FAM153A: variants seen among roughly 807,000 people sequenced by gnomAD.
FAM153A encodes protein FAM153A.
In FAM153A, 12 loss-of-function variants were observed where a neutral mutation model predicts 48.1. The ratio of observed to expected loss-of-function variants is 0.25; its 90% CI spans 0.16 to 0.40. The LOEUF is 0.40. Ranked by LOEUF, FAM153A falls within the 10% of genes least tolerant of loss-of-function variation. FAM153A has a pLI of 1.00. For missense variants in FAM153A, 111 were observed against 345.8 expected (o/e 0.32, Z 5.38); for synonymous variants, 36 against 118.2 (o/e 0.30, Z 4.51).
In FAM153A at chr5:177,728,559, T is replaced by G. The variant is rs1281503683; in HGVS notation, c.964+464A>C. On this transcript the variant is annotated intron_variant, in intron 18 of 20. Coordinates refer to ENST00000614127, the Ensembl canonical transcript of FAM153A. ...ACTCTTAGTTTGTTGGGGTGTTTTT[T>G]TTTTTGTTTGTTTTTGTTTTTTTTT... 1.6e-4 allele frequency among the ~76,000 whole-genome samples: 24 copies of G among 147,034 alleles called. 2 individuals are homozygous for G. Among genetic ancestry groups the G allele is most frequent in the African/African-American group, 6.2e-4 (24 of 38,424 alleles).
downstream of FAM153A, among the ~76,000 whole-genome samples, chr5:177,707,466 C>CAT (rs1356278246): frequency 1.4e-4 from 21 of 151,726 alleles, no homozygotes; most frequent in East Asian, 4.0e-3. Flanking sequence ...AGAAAAAATG[C>CAT]ATATAGTAGG....
At chr5:177,696,038 G>A in the FAM153A span, among the ~76,000 whole-genome samples, 5 of 142,224 alleles carry the variant, frequency 3.5e-5, no homozygotes, top group Admixed American at 2.1e-4. Flanking sequence ...TGGGGCGGCC[G>A]GGCAGAGGCG....
chr5:177,698,977 T>G, the FAM153A span, among the ~76,000 whole-genome samples: 1 of 151,570 alleles, frequency 6.6e-6, no homozygotes, highest in Non-Finnish European at 1.5e-5. Context: ...ATTTAAACAA[T>G]TTTTTTAGAG....
At chr5:177,754,013 A>G (rs11249686), upstream of FAM153A, among the ~76,000 whole-genome samples, 85,834 of 151,688 alleles carry the variant, frequency 0.57, 24,556 homozygotes, top group Middle Eastern at 0.61. Context: ...GCAGTGCACC[A>G]AGTGTGAGCC....
At chr5:177,698,660 T>A in the FAM153A span, among the ~76,000 whole-genome samples, 99 of 151,916 alleles carry the variant, frequency 6.5e-4, 1 homozygote, top group Non-Finnish European at 5.9e-4. Flanking sequence ...CATACTTTCT[T>A]TTCTATTTAT....
rs531489630 is a variant in FAM153A at position 177,746,207 on chromosome 5, C to G, written c.260-1240G>C. 5.8e-3 allele frequency among the ~76,000 whole-genome samples: 876 copies of G among 150,814 alleles called. 6 individuals are homozygous for G. The highest frequency in any genetic ancestry group is 0.024 in the Middle Eastern group (7 of 292). On this transcript the variant is annotated intron_variant, in intron 4 of 20. Transcript: ENST00000614127. ...TATCTTCAGGTACAGCTGTGGTGGA[C>G]GATGAATGGGTAGCTGAGTAGCTGG...
chr5:177,708,984 A>G (rs552298744), downstream of FAM153A, among the ~76,000 whole-genome samples: 2 of 149,762 alleles, frequency 1.3e-5, no homozygotes, highest in East Asian at 4.0e-4. Context: ...AGTCCCAGCG[A>G]CTCGGGAGGC....
chr5:177,758,427 T>TCC (rs1326793039), intron 1 of FAM153A, among the ~76,000 whole-genome samples: 1 of 146,876 alleles, frequency 6.8e-6, no homozygotes. Context: ...TTCAATGCCA[T>TCC]CCCCGTCAAT....
At chr5:177,709,257 C>A (rs969729498), downstream of FAM153A, among the ~76,000 whole-genome samples, 1 of 116,366 alleles carries the variant, frequency 8.6e-6, no homozygotes, top group African/African-American at 3.3e-5. Flanking sequence ...AAAAAGGAAT[C>A]TTTTTTTTTT....
the FAM153A span, among the ~76,000 whole-genome samples, chr5:177,702,800 A>T: frequency 6.6e-6 from 1 of 151,840 alleles, no homozygotes; most frequent in Non-Finnish European, 1.5e-5. Context: ...GGTGGCTTCC[A>T]TGTGGTAATA....
At chr5:177,743,548 T>A (rs1250692847) in intron 6 of FAM153A, among the ~76,000 whole-genome samples, 1 of 125,014 alleles carries the variant, frequency 8.0e-6, no homozygotes, top group Non-Finnish European at 1.7e-5. Context: ...ATGGAGAAAG[T>A]TGGGGTGATT....
At chr5:177,711,830 C>T (rs180991912) in exon 27 of FAM153A, 12 of 152,040 alleles carry the variant, frequency 7.9e-5, no homozygotes, top group African/African-American at 1.9e-4. Flanking sequence ...CCAACCCCAA[C>T]GCCGCCTGCA....
At chr5:177,701,656 T>C in the FAM153A span, among the ~76,000 whole-genome samples, 3 of 151,728 alleles carry the variant, frequency 2.0e-5, no homozygotes, top group Admixed American at 6.6e-5. Flanking sequence ...TACAGAAAAT[T>C]GGTACCAAGG....
chr5:177,702,254 T>G, the FAM153A span, among the ~76,000 whole-genome samples: 408 of 151,884 alleles, frequency 2.7e-3, 2 homozygotes, highest in East Asian at 1.5e-3. Context: ...GGTGCATAGC[T>G]GCGTTGTGCC....
Position 177,769,828 on chromosome 5 carries a change from C to T in FAM153A, c.-57+10621G>A, listed in dbSNP as rs1267888647. Among the ~76,000 whole-genome samples, 7 of 97,036 alleles carry T rather than the reference C, an allele frequency of 7.2e-5. 2 individuals carry two copies. Among genetic ancestry groups the T allele is most frequent in the Admixed American group, 3.2e-4 (3 of 9,338 alleles). The allele number at this position is 97,036 out of a possible 152,430, so 63.7% of individuals were successfully genotyped here. On this transcript the variant is annotated intron_variant, in intron 1 of 8. Transcript: ENST00000393518. Reference sequence around the variant, plus strand: ...TTAAGAGCTTATCCACTCGGAACCACGCCTCACATTCAGAGAGAAGCTTAA... The same window carrying T: ...TTAAGAGCTTATCCACTCGGAACCATGCCTCACATTCAGAGAGAAGCTTAA...
exon 24 of FAM153A, chr5:177,717,186 C>T (rs1048282391): frequency 6.5e-5 from 9 of 138,986 alleles, no homozygotes; most frequent in African/African-American, 2.5e-4. Context: ...ACAAACAACA[C>T]AGCCTTCCTC....
At chr5:177,754,968 C>T (rs544464963), upstream of FAM153A, among the ~76,000 whole-genome samples, 15 of 151,942 alleles carry the variant, frequency 9.9e-5, no homozygotes, top group South Asian at 2.1e-4. Context: ...TCACCAGTAA[C>T]GGGACAAAGC....
Position 177,734,745 on chromosome 5 carries a change from T to C in FAM153A, c.735+118A>G, listed in dbSNP as rs28402068. 6.8e-4 allele frequency: 1,074 copies of C among 1,570,862 alleles called. 10 individuals are homozygous for C. In the East Asian group the frequency reaches 9.4e-3, roughly 14 times the overall value. On this transcript the variant is annotated intron_variant, in intron 13 of 20. Transcript: ENST00000614127. ...GACAGACTCTCACTTACCATTTCCC[T>C]CAAGGACACTGTGTAACTAAGATAT... is the stretch of plus-strand genomic sequence containing the variant.
At chr5:177,778,842 C>T (rs1032171685) in intron 1 of FAM153A, among the ~76,000 whole-genome samples, 1 of 113,900 alleles carries the variant, frequency 8.8e-6, no homozygotes, top group African/African-American at 3.4e-5. Context: ...CTAGATGTAA[C>T]TACACATAGC....
Sources: gnomAD v4.1 joint callset for allele counts (sites outside exome capture counted in the v4.1 genomes callset) on GRCh38, gnomAD v4.1.1 for gene constraint, MANE v1.5 for transcripts, NCBI Gene and HGNC (gene_info 2026-07-23, HGNC 2026-07-21) for gene names.